DPP6: variants seen among roughly 807,000 people sequenced by gnomAD.
DPP6 encodes A-type potassium channel modulatory protein DPP6.
DPP6 carries 69 observed loss-of-function variants against 122.6 expected under a neutral mutation model. The observed-to-expected ratio is 0.56, with a 90% CI of 0.46 to 0.69. DPP6 has a LOEUF of 0.69. Ranked by LOEUF, DPP6 falls within the 30% of genes least tolerant of loss-of-function variation. DPP6 has a pLI of 0.00. For missense variants in DPP6, 928 were observed against 1,116.9 expected (o/e 0.83, Z 2.41); for synonymous variants, 418 against 433.1 (o/e 0.97, Z 0.43).
At chr7:153,949,753 A>G (rs927153436) in intron 1 of DPP6, among the ~76,000 whole-genome samples, 2 of 152,234 alleles carry the variant, frequency 1.3e-5, no homozygotes, top group Non-Finnish European at 1.5e-5. Context: ...TGCAAGGGGC[A>G]AAGAGACATT....
At chr7:154,155,985 C>T (rs539538806) in intron 1 of DPP6, among the ~76,000 whole-genome samples, 2 of 152,360 alleles carry the variant, frequency 1.3e-5, no homozygotes, top group East Asian at 1.9e-4. Context: ...CAGTGCCTTC[C>T]TTCAGAGTTC....
At chr7:153,832,637 A>C in the DPP6 span, among the ~76,000 whole-genome samples, 1 of 150,648 alleles carries the variant, frequency 6.6e-6, no homozygotes, top group East Asian at 1.9e-4. Flanking sequence ...GGGATATATA[A>C]ATAAGTCAAG....
intron 1 of DPP6, among the ~76,000 whole-genome samples, chr7:154,444,528 A>G (rs1479182380): frequency 6.6e-6 from 1 of 152,234 alleles, no homozygotes; most frequent in Non-Finnish European, 1.5e-5. Context: ...GATAACATTA[A>G]TTTTATCATT....
At chr7:154,351,468 T>G (rs1438752693) in intron 1 of DPP6, among the ~76,000 whole-genome samples, 2 of 152,034 alleles carry the variant, frequency 1.3e-5, no homozygotes, top group African/African-American at 4.8e-5. Flanking sequence ...GACAGGGGAT[T>G]AGAGATCAAA....
intron 1 of DPP6, among the ~76,000 whole-genome samples, chr7:154,261,805 A>C (rs1803039212): frequency 6.6e-6 from 1 of 152,244 alleles, no homozygotes; most frequent in Non-Finnish European, 1.5e-5. Context: ...AACATCATTA[A>C]TGATCAGGGA....
At chr7:154,781,840 G>A (rs1362776202) in intron 10 of DPP6, among the ~76,000 whole-genome samples, 1 of 152,154 alleles carries the variant, frequency 6.6e-6, no homozygotes, top group African/African-American at 2.4e-5. Context: ...CCACACAACT[G>A]TCAGAACATT....
At chr7:153,817,271 A>G in the DPP6 span, among the ~76,000 whole-genome samples, 2 of 147,798 alleles carry the variant, frequency 1.4e-5, no homozygotes, top group Non-Finnish European at 3.0e-5. Context: ...GGTGCATTTC[A>G]TTGTACAAAT....
chr7:153,880,602 G>C, the DPP6 span, among the ~76,000 whole-genome samples: 19 of 152,302 alleles, frequency 1.2e-4, no homozygotes, highest in Admixed American at 7.8e-4. Flanking sequence ...GTGAGACATG[G>C]CTGTGGATAT....
At chr7:154,793,356 T>A (rs1194287533) in intron 10 of DPP6, among the ~76,000 whole-genome samples, 1 of 152,002 alleles carries the variant, frequency 6.6e-6, no homozygotes, top group Non-Finnish European at 1.5e-5. Flanking sequence ...TTTAATCTGG[T>A]TTTTGGAGGG....
chr7:153,911,367 T>G (rs949461691), intron 1 of DPP6, among the ~76,000 whole-genome samples: 2 of 152,180 alleles, frequency 1.3e-5, no homozygotes, highest in African/African-American at 4.8e-5. Flanking sequence ...ACTGAGATCA[T>G]AGTGTATGTT....
chr7:154,741,481 A>G (rs948466418), intron 8 of DPP6, among the ~76,000 whole-genome samples: 2 of 152,246 alleles, frequency 1.3e-5, no homozygotes, highest in Admixed American at 6.5e-5. Flanking sequence ...AGCACCTTTC[A>G]GCTCTTCATG....
intron 1 of DPP6, among the ~76,000 whole-genome samples, chr7:153,935,482 C>A (rs1276309058): frequency 4.6e-5 from 7 of 152,214 alleles, no homozygotes; most frequent in Admixed American, 3.3e-4. Context: ...GTGGAACCTG[C>A]CCCTGGCTCA....
chr7:154,187,866 C>G (rs563296073), intron 1 of DPP6, among the ~76,000 whole-genome samples: 6 of 152,280 alleles, frequency 3.9e-5, no homozygotes, highest in Non-Finnish European at 5.9e-5. Flanking sequence ...TGCCGAGACT[C>G]TAACCCACTC....
intron 1 of DPP6, among the ~76,000 whole-genome samples, chr7:153,941,894 C>T (rs1801713865): frequency 6.6e-6 from 1 of 152,174 alleles, no homozygotes; most frequent in South Asian, 2.1e-4. Context: ...CTTTCCTACA[C>T]ACTTCCCCAG....
chr7:153,918,010 ATG>A (rs1227075132), intron 1 of DPP6, among the ~76,000 whole-genome samples: 3 of 152,326 alleles, frequency 2.0e-5, no homozygotes, highest in African/African-American at 7.2e-5. Context: ...GGGATGTAGA[ATG>A]TGTGTCTGAT....
At chr7:154,633,580 C>A (rs1451796336) in intron 5 of DPP6, among the ~76,000 whole-genome samples, 1 of 152,164 alleles carries the variant, frequency 6.6e-6, no homozygotes, top group East Asian at 1.9e-4. Flanking sequence ...ACAACATTGA[C>A]CACAGAAAAA....
chr7:154,854,517 G>A (rs902121509), intron 17 of DPP6, among the ~76,000 whole-genome samples: 7 of 152,254 alleles, frequency 4.6e-5, no homozygotes, highest in African/African-American at 7.2e-5. Flanking sequence ...AGGCTCAAAG[G>A]TGGAGGACGA....
chr7:154,572,030 G>C (rs1831144004), intron 5 of DPP6, among the ~76,000 whole-genome samples: 1 of 152,158 alleles, frequency 6.6e-6, no homozygotes. Context: ...CCAAGCTCAG[G>C]GCATGGGTGT....
chr7:153,992,798 G>A (rs780095506), intron 1 of DPP6, among the ~76,000 whole-genome samples: 2 of 152,118 alleles, frequency 1.3e-5, no homozygotes, highest in South Asian at 2.1e-4. Context: ...AGCTCTAAAC[G>A]TTTTTGTTTC....
Sources: gnomAD v4.1 joint callset for allele counts (sites outside exome capture counted in the v4.1 genomes callset) on GRCh38, gnomAD v4.1.1 for gene constraint, MANE v1.5 for transcripts, NCBI Gene and HGNC (gene_info 2026-07-23, HGNC 2026-07-21) for gene names.